The following ABTB3 variants were observed in gnomAD, a reference collection of about 807,000 sequenced individuals.
ABTB3 encodes the protein ankyrin repeat and BTB domain containing 3, also known as ankyrin repeat- and BTB/POZ domain-containing protein 3.
the ABTB3 span, among the ~76,000 whole-genome samples, chr12:107,524,297 T>C: frequency 1.3e-5 from 2 of 152,206 alleles, no homozygotes. Flanking sequence ...AATTGCCTTT[T>C]TTCTGATCTG....
the ABTB3 span, among the ~76,000 whole-genome samples, chr12:107,556,327 C>G: frequency 3.9e-5 from 6 of 152,022 alleles, no homozygotes; most frequent in Non-Finnish European, 2.9e-5. Flanking sequence ...AACTCCCAAC[C>G]TCAGGTGATC....
the ABTB3 span, among the ~76,000 whole-genome samples, chr12:107,533,084 T>C: frequency 1.3e-5 from 2 of 151,722 alleles, no homozygotes; most frequent in African/African-American, 4.8e-5. Context: ...AACACATGAA[T>C]GTATAAAACT....
At chr12:107,601,190 TAG>T in the ABTB3 span, among the ~76,000 whole-genome samples, 1 of 152,116 alleles carries the variant, frequency 6.6e-6, no homozygotes, top group Non-Finnish European at 1.5e-5. Flanking sequence ...GACTGAGGCT[TAG>T]AGAGTTTTTT....
chr12:107,657,684 T>A, the ABTB3 span: 1 of 1,614,208 alleles, frequency 6.2e-7, no homozygotes, highest in Non-Finnish European at 8.5e-7. Flanking sequence ...ATTCAGTCCA[T>A]CCACTTGTCG....
At chr12:107,329,583 A>G in the ABTB3 span, among the ~76,000 whole-genome samples, 1 of 152,214 alleles carries the variant, frequency 6.6e-6, no homozygotes, top group Non-Finnish European at 1.5e-5. Flanking sequence ...AAAGCCTTCT[A>G]TAGTTTGTCA....
the ABTB3 span, among the ~76,000 whole-genome samples, chr12:107,374,545 C>T: frequency 2.0e-5 from 3 of 152,290 alleles, no homozygotes; most frequent in South Asian, 2.1e-4. Context: ...AAGTGAGCTC[C>T]GTGGCCCCAC....
the ABTB3 span, among the ~76,000 whole-genome samples, chr12:107,342,902 G>A: frequency 6.6e-6 from 1 of 152,186 alleles, no homozygotes; most frequent in Non-Finnish European, 1.5e-5. Flanking sequence ...CTTGGGCAAT[G>A]GGTCATGTAT....
At chr12:107,657,768 G>T in the ABTB3 span, 21 of 1,584,908 alleles carry the variant, frequency 1.3e-5, no homozygotes, top group South Asian at 1.3e-4. Context: ...TTCTCCTGCC[G>T]CATTGGCTTT....
At chr12:107,413,785 C>T in the ABTB3 span, among the ~76,000 whole-genome samples, 1 of 152,184 alleles carries the variant, frequency 6.6e-6, no homozygotes, top group Non-Finnish European at 1.5e-5. Flanking sequence ...CTGAGTCCCT[C>T]TTAGGGGCAG....
At chr12:107,549,067 T>C in the ABTB3 span, among the ~76,000 whole-genome samples, 3 of 152,220 alleles carry the variant, frequency 2.0e-5, no homozygotes, top group African/African-American at 7.2e-5. Context: ...GTAGCTCTTG[T>C]TACTTTTGCA....
the ABTB3 span, among the ~76,000 whole-genome samples, chr12:107,540,036 G>A: frequency 6.6e-6 from 1 of 152,218 alleles, no homozygotes; most frequent in Non-Finnish European, 1.5e-5. Context: ...TCAGGGCTGG[G>A]TATGTGAAGA....
chr12:107,399,622 A>G, the ABTB3 span, among the ~76,000 whole-genome samples: 7 of 152,242 alleles, frequency 4.6e-5, no homozygotes, highest in African/African-American at 1.7e-4. Flanking sequence ...CTATGATAGC[A>G]GCTACGATTC....
the ABTB3 span, among the ~76,000 whole-genome samples, chr12:107,442,180 C>T: frequency 1.3e-5 from 2 of 152,166 alleles, no homozygotes; most frequent in African/African-American, 4.8e-5. Flanking sequence ...GGGTGCATGG[C>T]TGGCACTCAG....
At chr12:107,417,847 T>G in the ABTB3 span, among the ~76,000 whole-genome samples, 1 of 152,210 alleles carries the variant, frequency 6.6e-6, no homozygotes, top group African/African-American at 2.4e-5. Flanking sequence ...GTCTACCCAG[T>G]GATGGGAGTG....
the ABTB3 span, among the ~76,000 whole-genome samples, chr12:107,609,780 C>T: frequency 6.6e-6 from 1 of 152,238 alleles, no homozygotes; most frequent in Middle Eastern, 3.2e-3. Context: ...AGCTCCACTG[C>T]TTTCACACTG....
At chr12:107,558,177 G>T in the ABTB3 span, among the ~76,000 whole-genome samples, 24 of 152,234 alleles carry the variant, frequency 1.6e-4, no homozygotes, top group Admixed American at 3.9e-4. Flanking sequence ...AGTGGGGGAC[G>T]CATAGACCAA....
At chr12:107,508,092 ATGGATGGATGG>A in the ABTB3 span, among the ~76,000 whole-genome samples, 4,042 of 152,022 alleles carry the variant, frequency 0.027, 185 homozygotes, top group African/African-American at 0.091. Flanking sequence ...GGATGGATGG[ATGGATGGATGG>A]ATGGATGGAA....
At chr12:107,406,705 C>T in the ABTB3 span, among the ~76,000 whole-genome samples, 4 of 152,172 alleles carry the variant, frequency 2.6e-5, no homozygotes, top group Non-Finnish European at 4.4e-5. Flanking sequence ...GGCAGAAATC[C>T]CTGTCTTTAT....
chr12:107,367,875 C>T, the ABTB3 span, among the ~76,000 whole-genome samples: 5 of 152,136 alleles, frequency 3.3e-5, no homozygotes, highest in Non-Finnish European at 7.4e-5. Flanking sequence ...TCATCCAAGG[C>T]GTTTAATATA....
Sources: allele counts gnomAD v4.1 joint callset (sites outside exome capture counted in the v4.1 genomes callset), GRCh38; gene constraint gnomAD v4.1.1; transcripts MANE v1.5; gene names NCBI Gene and HGNC (gene_info 2026-07-23, HGNC 2026-07-21).